RAPGEF2: variants seen among roughly 807,000 people sequenced by gnomAD.
RAPGEF2 encodes the protein PDZ domain containing guanine nucleotide exchange factor (GEF) 1.
A neutral mutation model predicts 186.7 loss-of-function variants in RAPGEF2; 54 were observed. The observed-to-expected ratio is 0.29, with a 90% CI of 0.23 to 0.36. The LOEUF is 0.36. RAPGEF2 is among the 10% of genes least tolerant of loss of function. The pLI is 1.00. For synonymous variants in RAPGEF2, 712 were observed against 705.9 expected (o/e 1.01, Z -0.14); for missense variants, 1,532 against 2,045.0 (o/e 0.75, Z 4.84).
At chr4:159,215,643 CAT>C (rs1470784457) in intron 4 of RAPGEF2, among the ~76,000 whole-genome samples, 1 of 152,154 alleles carries the variant, frequency 6.6e-6, no homozygotes, top group Non-Finnish European at 1.5e-5. Flanking sequence ...TAGAAATAGT[CAT>C]GTGTACCATA....
chr4:159,250,481 A>G (rs1755183751), intron 7 of RAPGEF2, among the ~76,000 whole-genome samples: 1 of 152,170 alleles, frequency 6.6e-6, no homozygotes, highest in Admixed American at 6.5e-5. Flanking sequence ...ACAAAGGGAA[A>G]TATTTGAGGA....
rs530663491 is a variant in RAPGEF2 at position 159,286,532 on chromosome 4, A to G, written c.544-17810A>G. Among the ~76,000 whole-genome samples the G allele has an allele frequency of 5.3e-5, 8 of 152,288 alleles. No individual in the cohort carries two copies. The East Asian group carries it at 9.6e-4, about 18-fold the overall frequency. ...TTTTAAAACTCCTCAGTAGCTCTCT[A>G]TTGCACTTGGACTAGAATGAATCTC... On this transcript the variant is annotated intron_variant, in intron 7 of 29. Transcript: ENST00000691494.
intron 4 of RAPGEF2, among the ~76,000 whole-genome samples, chr4:159,231,104 A>G (rs764294704): frequency 6.6e-6 from 1 of 152,194 alleles, no homozygotes; most frequent in African/African-American, 2.4e-5. Flanking sequence ...TAACTTTTCT[A>G]TGTTTAGATG....
At chr4:159,140,874 C>T (rs1742247638) in intron 1 of RAPGEF2, among the ~76,000 whole-genome samples, 1 of 151,478 alleles carries the variant, frequency 6.6e-6, no homozygotes, top group Non-Finnish European at 1.5e-5. Context: ...CTCTGTCGCC[C>T]AGGCTGGAGT....
At chr4:159,280,614 C>T (rs1759562615) in intron 7 of RAPGEF2, among the ~76,000 whole-genome samples, 1 of 152,168 alleles carries the variant, frequency 6.6e-6, no homozygotes, top group Non-Finnish European at 1.5e-5. Context: ...CTTTAAGTGT[C>T]ATCCAAAGCT....
At chr4:159,192,937 CAAT>C (rs1176043421) in intron 2 of RAPGEF2, among the ~76,000 whole-genome samples, 2 of 152,140 alleles carry the variant, frequency 1.3e-5, no homozygotes, top group African/African-American at 4.8e-5. Flanking sequence ...AAAATACACA[CAAT>C]GTTCTTCCCC....
At chr4:159,230,890 C>T (rs557780257) in intron 4 of RAPGEF2, among the ~76,000 whole-genome samples, 8 of 152,072 alleles carry the variant, frequency 5.3e-5, no homozygotes, top group South Asian at 2.1e-4. Context: ...TTTCTGTAAA[C>T]GCTGTATTGA....
At chr4:159,337,296 C>T (rs931799360) in intron 17 of RAPGEF2, among the ~76,000 whole-genome samples, 2 of 152,096 alleles carry the variant, frequency 1.3e-5, no homozygotes, top group African/African-American at 4.8e-5. Flanking sequence ...TGTCAGTCTC[C>T]TTACATTTGA....
At chr4:159,309,147 A>C (rs1427441447) in intron 8 of RAPGEF2, among the ~76,000 whole-genome samples, 2 of 152,172 alleles carry the variant, frequency 1.3e-5, no homozygotes, top group Non-Finnish European at 1.5e-5. Context: ...ACTGCAGATC[A>C]TAGCTTTTGT....
At chr4:159,154,949 A>G (rs1362583854) in intron 1 of RAPGEF2, among the ~76,000 whole-genome samples, 1 of 152,212 alleles carries the variant, frequency 6.6e-6, no homozygotes, top group Non-Finnish European at 1.5e-5. Context: ...TGTATAACCT[A>G]TTATAAGTAT....
intron 7 of RAPGEF2, among the ~76,000 whole-genome samples, chr4:159,276,374 T>G (rs545325422): frequency 6.6e-6 from 1 of 152,368 alleles, no homozygotes; most frequent in African/African-American, 2.4e-5. Context: ...TCCTATTTCC[T>G]GTTGAAATTA....
At chr4:159,106,300 T>C (rs1281642483) in intron 1 of RAPGEF2, among the ~76,000 whole-genome samples, 1 of 152,144 alleles carries the variant, frequency 6.6e-6, no homozygotes, top group Non-Finnish European at 1.5e-5. Context: ...TTACTACAAA[T>C]CCCCACGTTT....
intron 7 of RAPGEF2, chr4:159,268,204 G>C: frequency 6.2e-7 from 1 of 1,600,288 alleles, no homozygotes; most frequent in Non-Finnish European, 8.6e-7. Context: ...GGGCCAGCAG[G>C]AGAAACACTC....
rs1299285540 is a variant in RAPGEF2 at position 159,353,287 on chromosome 4, C to G, written c.4092-200C>G. Among the ~76,000 whole-genome samples, 1 of 151,356 alleles carries G rather than the reference C, an allele frequency of 6.6e-6. No individual in the cohort carries two copies. Among genetic ancestry groups the G allele is most frequent in the East Asian group, 1.9e-4 (1 of 5,160 alleles). On this transcript the variant is annotated intron_variant, in intron 27 of 29. Transcript: ENST00000691494. The surrounding 1 kb of genome is among the most constrained non-coding windows in gnomAD (Gnocchi z 4.3). Reference sequence around the variant, plus strand: ...CACGTTGCGTTCTTTTCCCGCATGCCTGTTTTATAGTAATGATAAAGTCAG... The same window carrying G: ...CACGTTGCGTTCTTTTCCCGCATGCGTGTTTTATAGTAATGATAAAGTCAG...
chr4:159,304,535 T>C (rs1763053526), intron 8 of RAPGEF2, 62 bp downstream of exon 8: 2 of 1,454,590 alleles, frequency 1.4e-6, no homozygotes, highest in African/African-American at 2.8e-5. Context: ...ATTTTAAGGT[T>C]CTCAGCTGAT....
At chr4:159,219,347 CTTTTTTTTTTTTTT>C (rs70962664) in intron 4 of RAPGEF2, among the ~76,000 whole-genome samples, 5 of 81,420 alleles carry the variant, frequency 6.1e-5, no homozygotes, top group South Asian at 9.0e-4. Context: ...CAACTGTATC[CTTTTTTTTTTTTTT>C]TTTTTTTTTT....
chr4:159,124,450 A>G (rs1488252004), intron 1 of RAPGEF2, among the ~76,000 whole-genome samples: 1 of 152,006 alleles, frequency 6.6e-6, no homozygotes. Flanking sequence ...GAGGCAGGAG[A>G]ATTGCTTGAA....
intron 7 of RAPGEF2, among the ~76,000 whole-genome samples, chr4:159,298,921 C>G (rs1469466329): frequency 6.6e-6 from 1 of 152,154 alleles, no homozygotes; most frequent in Non-Finnish European, 1.5e-5. Flanking sequence ...TTATTCAGTC[C>G]TCACAACACA....
At chr4:159,285,353 A>G (rs1420005060) in intron 7 of RAPGEF2, among the ~76,000 whole-genome samples, 6 of 152,170 alleles carry the variant, frequency 3.9e-5, no homozygotes, top group Admixed American at 3.9e-4. Context: ...TATTGATTTT[A>G]ATCTGAATTC....
Sources: allele counts gnomAD v4.1 joint callset (sites outside exome capture counted in the v4.1 genomes callset), GRCh38; gene constraint gnomAD v4.1.1; non-coding constraint Gnocchi (gnomAD v3.1); transcripts MANE v1.5; gene names NCBI Gene and HGNC (gene_info 2026-07-23, HGNC 2026-07-21).